Variants in CCDC73 observed in about 807,000 individuals in gnomAD.
The protein encoded by CCDC73 is coiled-coil domain-containing protein 73.
Under a neutral mutation model 116.5 loss-of-function variants are expected in CCDC73, and 95 were observed. The ratio of observed to expected loss-of-function variants is 0.82; its 90% CI spans 0.69 to 0.97. CCDC73 has a LOEUF of 0.97. CCDC73 is among the 50% of genes least tolerant of loss of function. The probability of loss-of-function intolerance (pLI) is 0.00; values close to 1 mark genes in which losing one functional copy is unlikely to be tolerated. For missense variants in CCDC73, 1,066 were observed against 1,206.8 expected, an observed-to-expected ratio of 0.88 and a Z score of 1.73; for synonymous variants, 398 against 401.3, an observed-to-expected ratio of 0.99 and a Z score of 0.10.
At chr11:32,744,265 A>G (rs1019912646) in intron 2 of CCDC73, among the ~76,000 whole-genome samples, 1 of 152,194 alleles carries the variant, frequency 6.6e-6, no homozygotes, top group Non-Finnish European at 1.5e-5. Flanking sequence ...AGACAACTTG[A>G]TCATGGTAGA....
chr11:32,765,934 A>G (rs1262706977), intron 1 of CCDC73, among the ~76,000 whole-genome samples: 1 of 152,198 alleles, frequency 6.6e-6, no homozygotes, highest in Non-Finnish European at 1.5e-5. Flanking sequence ...AGAAAGAGAG[A>G]GAATCCTCCC....
At chr11:32,805,174 GA>G in the CCDC73 span, among the ~76,000 whole-genome samples, 2 of 152,268 alleles carry the variant, frequency 1.3e-5, no homozygotes, top group South Asian at 2.1e-4. Flanking sequence ...CCTTAAGAGT[GA>G]AAAAATGAGG....
rs1354748024 is a variant in CCDC73 at position 32,602,976 on chromosome 11, C to T, written c.3075G>A (p.Leu1025=). 3.1e-6 allele frequency: 5 copies of T among 1,613,210 alleles called. No homozygotes were observed. The highest frequency in any genetic ancestry group is 3.4e-6 in the Non-Finnish European group (4 of 1,179,780). The change falls in exon 18 of 18, where the codon TTG becomes TTA. Residue 1025 remains leucine, a synonymous_variant. Coordinates refer to ENST00000335185, the MANE Select transcript of CCDC73 (RefSeq NM_001008391.4). ...TATTTTTAGTCGTCTTGATTGCCTG[C>T]AAATGGCTTTGTAGTGGAGTTGATA... ...PLISTPLQSH[L]QAIKTTKNTS... is the part of the protein sequence containing the mutation.
upstream of CCDC73, among the ~76,000 whole-genome samples, chr11:32,799,426 T>C (rs1850752770): frequency 6.6e-6 from 1 of 151,772 alleles, no homozygotes; most frequent in Non-Finnish European, 1.5e-5. Flanking sequence ...GACAGGGTTT[T>C]ATCATATTTC....
chr11:32,825,358 A>C, the CCDC73 span, among the ~76,000 whole-genome samples: 2 of 137,618 alleles, frequency 1.5e-5, no homozygotes, highest in East Asian at 2.1e-4. Context: ...GCTGGAGTGC[A>C]ATGGCACCAT....
intron 6 of CCDC73, among the ~76,000 whole-genome samples, chr11:32,691,836 TAGG>T (rs761361474): frequency 2.8e-4 from 43 of 151,886 alleles, no homozygotes; most frequent in Non-Finnish European, 5.4e-4. Context: ...ATCACGAGGT[TAGG>T]AGATGGAGAC....
upstream of CCDC73, among the ~76,000 whole-genome samples, chr11:32,798,038 A>G (rs1468985270): frequency 6.6e-6 from 1 of 152,232 alleles, no homozygotes; most frequent in Non-Finnish European, 1.5e-5. Flanking sequence ...TAAAATCACC[A>G]TCAGGCTATA....
intron 1 of CCDC73, among the ~76,000 whole-genome samples, chr11:32,792,898 G>T (rs1226011287): frequency 6.6e-6 from 1 of 152,154 alleles, no homozygotes; most frequent in Non-Finnish European, 1.5e-5. Context: ...AGGGTTTGGG[G>T]TTTGTTTTTT....
At chr11:32,806,394 T>TG in the CCDC73 span, among the ~76,000 whole-genome samples, 1 of 151,362 alleles carries the variant, frequency 6.6e-6, no homozygotes, top group African/African-American at 2.4e-5. Context: ...CTGAGGCGGG[T>TG]GGGGGGATCC....
intron 2 of CCDC73, among the ~76,000 whole-genome samples, chr11:32,724,448 G>C (rs1850014479): frequency 6.6e-6 from 1 of 152,084 alleles, no homozygotes; most frequent in East Asian, 1.9e-4. Context: ...TTGAGAAATG[G>C]TTTATAAAAG....
intron 17 of CCDC73, chr11:32,605,169 T>C (rs532519772): frequency 6.6e-6 from 1 of 151,496 alleles, no homozygotes; most frequent in Admixed American, 6.6e-5. Flanking sequence ...ACTTTTTTTT[T>C]TTTTTTTTTT....
chr11:32,610,207 G>A (rs1206068201), intron 17 of CCDC73, among the ~76,000 whole-genome samples: 2 of 152,118 alleles, frequency 1.3e-5, no homozygotes, highest in Non-Finnish European at 2.9e-5. Context: ...GAATAGCACA[G>A]GAAAGACCCG....
At chr11:32,718,223 G>T in intron 2 of CCDC73, 76 bp from the exon 3 acceptor site, 1 of 967,280 alleles carries the variant, frequency 1.0e-6, no homozygotes, top group Non-Finnish European at 1.6e-6. Context: ...TTTCTGGAGA[G>T]ATATAGAAAT....
intron 9 of CCDC73, among the ~76,000 whole-genome samples, chr11:32,661,755 A>C (rs1040350887): frequency 2.6e-5 from 4 of 151,220 alleles, no homozygotes; most frequent in Non-Finnish European, 5.9e-5. Context: ...ACATATGTAT[A>C]CATGTGCCAT....
intron 10 of CCDC73, among the ~76,000 whole-genome samples, chr11:32,654,580 A>G (rs1378990011): frequency 6.6e-6 from 1 of 152,214 alleles, no homozygotes; most frequent in East Asian, 1.9e-4. Flanking sequence ...TAAAAACTAT[A>G]AACTCATCTC....
At position 32,675,545 on chromosome 11, in the gene CCDC73, T is replaced by A; in HGVS notation, c.645+20A>T. 1 of 1,430,490 alleles carries A rather than the reference T, an allele frequency of 7.0e-7. No individual in the cohort carries two copies. Among genetic ancestry groups the A allele is most frequent in the Non-Finnish European group, 9.7e-7 (1 of 1,032,816 alleles). The allele number at this position is 1,430,490 out of a possible 1,614,324, so 88.6% of individuals were successfully genotyped here. On this transcript the variant is annotated intron_variant, in intron 9 of 17. Coordinates refer to ENST00000335185, the MANE Select transcript of CCDC73 (RefSeq NM_001008391.4). The stretch of plus-strand genomic sequence containing the variant: ...ATATTATAATTTTTACTTAGTAGTG[T>A]GAAACTGTATCAATCATACCTTCTT...
At chr11:32,807,346 A>AAGG in the CCDC73 span, among the ~76,000 whole-genome samples, 2 of 152,196 alleles carry the variant, frequency 1.3e-5, no homozygotes, top group Non-Finnish European at 2.9e-5. Flanking sequence ...CTGATAATGA[A>AAGG]AGGAAATAAA....
At chr11:32,627,808 CG>C (rs1313066952) in intron 14 of CCDC73, among the ~76,000 whole-genome samples, 2 of 151,948 alleles carry the variant, frequency 1.3e-5, no homozygotes, top group South Asian at 2.1e-4. Context: ...CATCACACAC[CG>C]GGGCCTGTTG....
At chr11:32,722,802 C>G (rs1850001025) in intron 2 of CCDC73, among the ~76,000 whole-genome samples, 1 of 152,016 alleles carries the variant, frequency 6.6e-6, no homozygotes, top group South Asian at 2.1e-4. Flanking sequence ...AGATATTGTT[C>G]TAAGTACTTT....
Sources: allele counts gnomAD v4.1 joint callset (sites outside exome capture counted in the v4.1 genomes callset), GRCh38; gene constraint gnomAD v4.1.1; transcripts MANE v1.5; gene names NCBI Gene and HGNC (gene_info 2026-07-23, HGNC 2026-07-21).